SLC3A1: variants seen among roughly 807,000 people sequenced by gnomAD.
SLC3A1 encodes the protein amino acid transporter heavy chain SLC3A1.
Under a neutral mutation model 60.3 loss-of-function variants are expected in SLC3A1, and 78 were observed. The ratio of observed to expected loss-of-function variants is 1.29; its 90% CI spans 1.08 to 1.56. The LOEUF (loss-of-function observed/expected upper bound fraction) is 1.56, where lower values mean the gene tolerates loss of function less well. Among genes scored for constraint, SLC3A1 ranks in the 40% most tolerant of loss-of-function variants. The pLI, the probability that SLC3A1 is intolerant of heterozygous loss-of-function variation, is 0.00. For missense variants in SLC3A1, 1,172 were observed against 858.9 expected (o/e 1.36, Z -4.56); for synonymous variants, 392 against 307.9 (o/e 1.27, Z -2.86).
intron 9 of SLC3A1, 197 bp downstream of exon 9, chr2:44,314,148 C>T (rs1672366708): frequency 3.0e-6 from 4 of 1,313,104 alleles, no homozygotes; most frequent in South Asian, 1.4e-5. Context: ...ACAAATCTAC[C>T]AAGTGAAGTG....
intron 4 of SLC3A1, among the ~76,000 whole-genome samples, chr2:44,288,843 TA>T (rs1169030167): frequency 2.0e-5 from 3 of 152,224 alleles, no homozygotes; most frequent in Admixed American, 2.0e-4. Context: ...TTTATTTATT[TA>T]TTTTTTTTGA....
rs1572833362 is a variant in SLC3A1 at position 44,320,956 on chromosome 2, A to G, written c.*317A>G. ...GAAGAATTTTATCTTTTCCCTTAAA[A>G]TGCAGTCATAGAAATTAGAGGATGA... On this transcript the variant is annotated 3_prime_UTR_variant, in exon 10 of 10. Transcript: ENST00000260649. The G allele has an allele frequency of 2.4e-6, 1 of 408,656 alleles. No individual in the cohort carries two copies. The highest frequency in any genetic ancestry group is 4.5e-6 in the Non-Finnish European group (1 of 223,370). The allele number at this position is 408,656 out of a possible 1,614,324, so 25.3% of individuals were successfully genotyped here.
Position 44,286,114 on chromosome 2 carries a change from C to G in SLC3A1, c.848C>G (p.Pro283Arg). 2 of 1,613,948 alleles carry G rather than the reference C, an allele frequency of 1.2e-6. No homozygotes were observed. Among genetic ancestry groups the G allele is most frequent in the Middle Eastern group, 1.7e-4 (1 of 6,060 alleles). The change falls in exon 4 of 10, where the codon CCT (proline) becomes CGT (arginine). Residue 283 changes from proline (P) to arginine (R), a missense_variant. Coordinates refer to ENST00000260649, the MANE Select transcript of SLC3A1 (RefSeq NM_000341.4). Reference sequence around the variant, plus strand: ...TTTCATCAGTTTATGAAAGAGCAACCTGATTTAAATTTCCGCAATCCTGAT... The same window carrying G: ...TTTCATCAGTTTATGAAAGAGCAACGTGATTTAAATTTCCGCAATCCTGAT... ...CYFHQFMKEQ[P>R]DLNFRNPDVQ...
chr2:44,280,965 A>G, intron 2 of SLC3A1, 70 bp downstream of exon 2: 1 of 1,335,206 alleles, frequency 7.5e-7, no homozygotes, highest in Non-Finnish European at 1.1e-6. Context: ...ATGTTTACTT[A>G]AAGCATTTCT....
downstream of SLC3A1, chr2:44,321,700 G>T (rs200068348): frequency 5.1e-6 from 8 of 1,578,006 alleles, no homozygotes; most frequent in South Asian, 8.1e-5. Context: ...TCCCCTCCTG[G>T]GTCTCACCCA....
intron 7 of SLC3A1, among the ~76,000 whole-genome samples, chr2:44,311,738 C>T (rs920915057): frequency 1.4e-5 from 2 of 144,484 alleles, no homozygotes; most frequent in Non-Finnish European, 3.1e-5. Flanking sequence ...AAAAAAAAAC[C>T]CAACCTCCTA....
intron 9 of SLC3A1, chr2:44,318,436 T>A (rs913248052): frequency 1.1e-5 from 2 of 181,372 alleles, no homozygotes; most frequent in Non-Finnish European, 2.4e-5. Flanking sequence ...GATTTAAATA[T>A]TTTATCAACA....
In SLC3A1 at chr2:44,320,830, G is replaced by T; in HGVS notation, c.*191G>T. On this transcript the variant is annotated 3_prime_UTR_variant, in exon 10 of 10. Coordinates refer to ENST00000260649, the MANE Select transcript of SLC3A1 (RefSeq NM_000341.4). Reference sequence around the variant, plus strand: ...ATAAAATGTTTAAAAGTAAATTATGGCTTATAGGAGCTTATAACTTTATTC... The same window carrying T: ...ATAAAATGTTTAAAAGTAAATTATGTCTTATAGGAGCTTATAACTTTATTC... 3 of 602,142 alleles carry T rather than the reference G, an allele frequency of 5.0e-6. No homozygotes were observed. Among genetic ancestry groups the T allele is most frequent in the East Asian group, 5.7e-5 (2 of 34,826 alleles). 37.3% of individuals were successfully genotyped at this position (602,142 alleles called of 1,614,324 possible).
At chr2:44,308,922 C>A (rs369148239) in intron 7 of SLC3A1, among the ~76,000 whole-genome samples, 1 of 151,926 alleles carries the variant, frequency 6.6e-6, no homozygotes, top group Non-Finnish European at 1.5e-5. Flanking sequence ...TTAGTAGAGA[C>A]GGGGTTTCAC....
Position 44,286,018 on chromosome 2 carries a change from TC to T in SLC3A1, c.766-13del, listed in dbSNP as rs771914043. On this transcript the variant is annotated splice_polypyrimidine_tract_variant and intron_variant, in intron 3 of 9. Coordinates refer to ENST00000260649, the MANE Select transcript of SLC3A1 (RefSeq NM_000341.4). The stretch of plus-strand genomic sequence containing the variant: ...ATTATAGGTCACTGATGTGCTGTTT[TC>T]TTTGTTTGCCAGTTAAGTGTGTATG... 1.2e-6 allele frequency: 2 copies of T among 1,614,168 alleles called. No homozygotes were observed. Among genetic ancestry groups the T allele is most frequent in the South Asian group, 2.2e-5 (2 of 91,084 alleles).
intron 8 of SLC3A1, 116 bp from the exon 9 acceptor site, chr2:44,313,719 T>C: frequency 1.1e-6 from 1 of 908,098 alleles, no homozygotes; most frequent in Non-Finnish European, 1.8e-6. Context: ...TGCTAATGAG[T>C]ACAAACACTA....
At chr2:44,289,822 C>T (rs558585277) in intron 4 of SLC3A1, among the ~76,000 whole-genome samples, 118 of 151,412 alleles carry the variant, frequency 7.8e-4, no homozygotes, top group African/African-American at 2.7e-3. Flanking sequence ...AGTAGAGACG[C>T]GTTTTATCAT....
At position 44,313,767 on chromosome 2, in the gene SLC3A1, A is replaced by G. The variant is rs1019268029; in HGVS notation, c.1501-68A>G. On this transcript the variant is annotated intron_variant, in intron 8 of 9. Coordinates refer to ENST00000260649, the MANE Select transcript of SLC3A1 (RefSeq NM_000341.4). ...GGGGAATTAAATAATTATGAAGTAA[A>G]TCAGGACCAAAGCACATTTCTTCTA... 7.6e-6 allele frequency: 9 copies of G among 1,188,222 alleles called. No individual in the cohort carries two copies. The African/African-American group carries it at 1.4e-4, about 18-fold the overall frequency. The allele number at this position is 1,188,222 out of a possible 1,614,324, so 73.6% of individuals were successfully genotyped here.
chr2:44,297,484 C>T (rs1027018395), intron 4 of SLC3A1, among the ~76,000 whole-genome samples: 9 of 152,178 alleles, frequency 5.9e-5, no homozygotes, highest in African/African-American at 2.2e-4. Context: ...CTAGCTCTTC[C>T]TTCTCCTGCT....
At chr2:44,303,205 A>G (rs1672061410) in intron 6 of SLC3A1, among the ~76,000 whole-genome samples, 1 of 151,566 alleles carries the variant, frequency 6.6e-6, no homozygotes, top group South Asian at 2.1e-4. Context: ...CTGTCTCAAG[A>G]AACAATAACA....
intron 7 of SLC3A1, among the ~76,000 whole-genome samples, chr2:44,309,094 A>T (rs1279930813): frequency 6.6e-6 from 1 of 152,224 alleles, no homozygotes; most frequent in Non-Finnish European, 1.5e-5. Flanking sequence ...TTAAACATTC[A>T]AAAGTGTGTA....
Position 44,281,405 on chromosome 2 carries a change from A to G in SLC3A1, c.629A>G (p.Asp210Gly), listed in dbSNP as rs1355431721. The G allele has an allele frequency of 6.2e-7, 1 of 1,613,248 alleles. No homozygotes were observed. The highest frequency in any genetic ancestry group is 2.2e-5 in the East Asian group (1 of 44,874). Residue 210 changes from aspartate to glycine, a missense_variant, in exon 3 of 10, where the codon GAT (aspartate) becomes GGT (glycine). By Grantham distance (94) the Asp-to-Gly change is moderately conservative (BLOSUM62 -1). Coordinates refer to ENST00000260649, the MANE Select transcript of SLC3A1 (RefSeq NM_000341.4). ...IHDKGLKLII[D>G]FIPNHTSDKH... The stretch of plus-strand genomic sequence containing the variant: ...TCATTAGGTTTAAAATTAATCATCG[A>G]TTTCATACCAAACCACACGAGTGAT...
chr2:44,304,354 A>G lies in SLC3A1; in HGVS notation c.1332+16A>G. On this transcript the variant is annotated intron_variant, in intron 7 of 9. Coordinates refer to ENST00000260649, the MANE Select transcript of SLC3A1 (RefSeq NM_000341.4). ...TAACTGGATGGTAAGTCCTCATGACAGCAGAGTACATAATGTGCTGCTGTT... is the reference window on the plus strand; with the variant it reads ...TAACTGGATGGTAAGTCCTCATGACGGCAGAGTACATAATGTGCTGCTGTT... The G allele has an allele frequency of 6.3e-7, 1 of 1,589,598 alleles. No homozygotes were observed.
chr2:44,283,618 CT>C lies in SLC3A1; in HGVS notation c.765+2079del, dbSNP rs371391125. Among the ~76,000 whole-genome samples the C allele has an allele frequency of 2.0e-3, 311 of 152,228 alleles. 1 individual carries two copies. The highest frequency in any genetic ancestry group is 7.3e-3 in the African/African-American group (302 of 41,536). ...CATACTCAAACTATATCATTTCTTGCTTATAGAATGATCACAGCTGCCTTGT... is the reference window on the plus strand; with the variant it reads ...CATACTCAAACTATATCATTTCTTGCTATAGAATGATCACAGCTGCCTTGT... On this transcript the variant is annotated intron_variant, in intron 3 of 9. Transcript: ENST00000260649.
Sources: allele counts gnomAD v4.1 joint callset (sites outside exome capture counted in the v4.1 genomes callset), GRCh38; gene constraint gnomAD v4.1.1; transcripts MANE v1.5; gene names NCBI Gene and HGNC (gene_info 2026-07-23, HGNC 2026-07-21).